Variants in SGCZ observed in about 807,000 individuals in gnomAD.
SGCZ encodes the protein sarcoglycan zeta.
SGCZ carries 40 observed loss-of-function variants against 41.3 expected under a neutral mutation model. That is an observed-to-expected ratio of 0.97 (90% CI 0.75 to 1.26). The LOEUF is 1.26. SGCZ is among the 50% of genes most tolerant of loss of function. SGCZ has a pLI of 0.00. For missense variants in SGCZ, 552 were observed against 369.8 expected (o/e 1.49, Z -4.04); for synonymous variants, 206 against 137.5 (o/e 1.50, Z -3.49).
intron 1 of SGCZ, among the ~76,000 whole-genome samples, chr8:14,781,521 G>T (rs2253078): frequency 0.46 from 70,561 of 151,892 alleles, 18,337 homozygotes; most frequent in East Asian, 0.57. Context: ...GAGCCACCAC[G>T]CCCAGACTAA....
intron 1 of SGCZ, among the ~76,000 whole-genome samples, chr8:14,742,426 G>A (rs552413335): frequency 3.9e-5 from 6 of 152,134 alleles, no homozygotes; most frequent in Non-Finnish European, 7.4e-5. Flanking sequence ...TCTGGCCCAT[G>A]TGGAGATAAA....
intron 2 of SGCZ, among the ~76,000 whole-genome samples, chr8:14,420,698 G>A (rs1241143842): frequency 5.3e-5 from 8 of 152,080 alleles, no homozygotes; most frequent in South Asian, 4.2e-4. Context: ...CAGATGTGAC[G>A]AGCCCACCAG....
At chr8:14,416,449 T>A (rs1329234509) in intron 2 of SGCZ, among the ~76,000 whole-genome samples, 1 of 151,916 alleles carries the variant, frequency 6.6e-6, no homozygotes. Flanking sequence ...CAAAATTATT[T>A]AGAGCCTACA....
At chr8:14,297,512 G>A (rs950841054) in intron 3 of SGCZ, among the ~76,000 whole-genome samples, 1 of 151,432 alleles carries the variant, frequency 6.6e-6, no homozygotes, top group Non-Finnish European at 1.5e-5. Flanking sequence ...CCCGTAGAAA[G>A]TAACACAGAA....
chr8:14,878,860 G>C (rs754986525), intron 1 of SGCZ, among the ~76,000 whole-genome samples: 4 of 152,190 alleles, frequency 2.6e-5, no homozygotes, highest in Non-Finnish European at 5.9e-5. Context: ...CAGATGGACA[G>C]TGAATGTGAA....
In SGCZ at chr8:14,746,186, C is replaced by T. The variant is rs76936503; in HGVS notation, c.40-191260G>A. ...TATTAAATATAACAAGGCATTCAAA[C>T]GTAGAGATTTAAAAAAATGGGAACT... On this transcript the variant is annotated intron_variant, in intron 1 of 7. Coordinates refer to ENST00000382080, the MANE Select transcript of SGCZ (RefSeq NM_139167.4). Among the ~76,000 whole-genome samples the T allele has an allele frequency of 7.2e-3, 1,102 of 152,038 alleles. 9 individuals are homozygous for T. The highest frequency in any genetic ancestry group is 0.02 in the Middle Eastern group (6 of 294).
chr8:15,182,949 C>CT (rs1800221771), intron 1 of SGCZ, among the ~76,000 whole-genome samples: 1 of 152,098 alleles, frequency 6.6e-6, no homozygotes, highest in African/African-American at 2.4e-5. Context: ...CCTTTTTAAA[C>CT]TTTTTTGTGA....
At chr8:14,407,698 A>G (rs6992042) in intron 2 of SGCZ, among the ~76,000 whole-genome samples, 2 of 152,206 alleles carry the variant, frequency 1.3e-5, no homozygotes, top group East Asian at 1.9e-4. Context: ...AAGGCTGTCA[A>G]TATGAATGAG....
intron 2 of SGCZ, among the ~76,000 whole-genome samples, chr8:14,517,066 G>C (rs1353755671): frequency 3.3e-5 from 5 of 152,032 alleles, no homozygotes; most frequent in African/African-American, 2.4e-5. Context: ...TTTTCAATAA[G>C]TCTTCGTAAT....
At chr8:15,008,792 GGAGGGAGGGGAGGAGGGAGGGA>G (rs1802713871) in intron 1 of SGCZ, among the ~76,000 whole-genome samples, 1 of 104,118 alleles carries the variant, frequency 9.6e-6, no homozygotes, top group Non-Finnish European at 2.0e-5. Context: ...AGGGAGGGAC[GGAGGGAGGGGAGGAGGGAGGGA>G]CGGAGGGAGG....
At chr8:14,869,662 G>C (rs555569447) in intron 1 of SGCZ, among the ~76,000 whole-genome samples, 29 of 152,296 alleles carry the variant, frequency 1.9e-4, no homozygotes, top group African/African-American at 6.7e-4. Flanking sequence ...TCTGTTTGCA[G>C]ATGACATAAA....
intron 1 of SGCZ, among the ~76,000 whole-genome samples, chr8:15,029,819 C>T (rs1276473896): frequency 6.6e-6 from 1 of 152,144 alleles, no homozygotes; most frequent in East Asian, 1.9e-4. Flanking sequence ...AAGCTATTAT[C>T]ATGCCTTCTG....
At chr8:14,244,778 G>C (rs1420973071) in intron 3 of SGCZ, among the ~76,000 whole-genome samples, 1 of 152,046 alleles carries the variant, frequency 6.6e-6, no homozygotes, top group African/African-American at 2.4e-5. Flanking sequence ...TTGATCAGTG[G>C]TTTGTAGTTC....
At chr8:14,251,022 G>A (rs1285053038) in intron 3 of SGCZ, among the ~76,000 whole-genome samples, 1 of 152,156 alleles carries the variant, frequency 6.6e-6, no homozygotes, top group African/African-American at 2.4e-5. Flanking sequence ...GAGGTCAGGA[G>A]CTCAAGACCA....
chr8:14,900,662 A>G (rs540432097), intron 1 of SGCZ, among the ~76,000 whole-genome samples: 18 of 152,330 alleles, frequency 1.2e-4, no homozygotes, highest in African/African-American at 4.3e-4. Flanking sequence ...TTTAATTTCA[A>G]TTCAGACATC....
chr8:14,915,811 C>T (rs746491684), intron 1 of SGCZ, among the ~76,000 whole-genome samples: 3 of 151,962 alleles, frequency 2.0e-5, no homozygotes, highest in Non-Finnish European at 4.4e-5. Context: ...CTCCGTTCTT[C>T]TGTCTATTAA....
chr8:14,099,991 G>C (rs145197804), intron 7 of SGCZ, among the ~76,000 whole-genome samples: 276 of 152,120 alleles, frequency 1.8e-3, no homozygotes, highest in African/African-American at 6.3e-3. Context: ...TACCATGACT[G>C]ATACTAAGTA....
At position 14,938,486 on chromosome 8, in the gene SGCZ, A is replaced by G. The variant is rs538113434; in HGVS notation, c.39+299099T>C. ...AGTAAATATATTTTGTCTTCCCTAT[A>G]ATTTTCTTAAAATTTTCTTTTTACT... On this transcript the variant is annotated intron_variant, in intron 1 of 7. Transcript: ENST00000382080. 7.2e-5 allele frequency among the ~76,000 whole-genome samples: 11 copies of G among 152,286 alleles called. No homozygotes were observed. The East Asian group carries it at 1.9e-3, about 27-fold the overall frequency.
At chr8:14,624,178 T>A (rs1806373316) in intron 1 of SGCZ, among the ~76,000 whole-genome samples, 1 of 152,150 alleles carries the variant, frequency 6.6e-6, no homozygotes, top group Non-Finnish European at 1.5e-5. Flanking sequence ...TGCAGACACA[T>A]GTACAGCAAT....
Sources: gnomAD v4.1 joint callset for allele counts (sites outside exome capture counted in the v4.1 genomes callset) on GRCh38, gnomAD v4.1.1 for gene constraint, MANE v1.5 for transcripts, NCBI Gene and HGNC (gene_info 2026-07-23, HGNC 2026-07-21) for gene names.